SYNPR: variants seen among roughly 807,000 people sequenced by gnomAD.
The protein encoded by SYNPR is synaptoporin.
Under a neutral mutation model 32.9 loss-of-function variants are expected in SYNPR, and 23 were observed. That is an observed-to-expected ratio of 0.70 (90% CI 0.50 to 0.99). SYNPR has a LOEUF of 0.99. SYNPR is among the 50% of genes least tolerant of loss of function. SYNPR has a pLI of 0.00. For synonymous variants in SYNPR, 146 were observed against 135.9 expected, an observed-to-expected ratio of 1.07 and a Z score of -0.52; for missense variants, 318 against 349.3, an observed-to-expected ratio of 0.91 and a Z score of 0.71.
chr3:63,323,165 T>C (rs1013820394), intron 2 of SYNPR, among the ~76,000 whole-genome samples: 3 of 152,042 alleles, frequency 2.0e-5, no homozygotes, highest in Non-Finnish European at 2.9e-5. Flanking sequence ...GAAGAGCTTT[T>C]GATGTTTGTT....
Position 63,556,714 on chromosome 3 carries a change from C to T in SYNPR, c.381C>T (p.Tyr127=). The part of the protein sequence containing the change: ...TVVYIFFQNK[Y]RENNRGPLID... ...TTTACATTTTCTTCCAGAACAAATA[C>T]CGGGAAAACAACCGGGGCCCACTCA... The change falls in exon 4 of 6, where the codon TAC becomes TAT. Residue 127 remains tyrosine, a synonymous_variant. Transcript: ENST00000478300. 1 of 1,520,070 alleles carries T rather than the reference C, an allele frequency of 6.6e-7. No individual in the cohort carries two copies. The highest frequency in any genetic ancestry group is 9.0e-7 in the Non-Finnish European group (1 of 1,114,776). 94.2% of individuals were successfully genotyped at this position (1,520,070 alleles called of 1,614,324 possible).
intron 5 of SYNPR, among the ~76,000 whole-genome samples, chr3:63,610,298 A>G (rs968431714): frequency 6.6e-6 from 1 of 152,214 alleles, no homozygotes; most frequent in African/African-American, 2.4e-5. Flanking sequence ...AAGTGTAAGA[A>G]TTTGTTATTA....
chr3:63,346,251 T>C (rs2087436039), intron 2 of SYNPR, among the ~76,000 whole-genome samples: 1 of 152,210 alleles, frequency 6.6e-6, no homozygotes, highest in South Asian at 2.1e-4. Context: ...GTGATCCTGT[T>C]ACTGGAATTT....
At chr3:63,445,624 C>T (rs778412366) in intron 2 of SYNPR, 107 of 657,944 alleles carry the variant, frequency 1.6e-4, no homozygotes, top group East Asian at 6.0e-4. Context: ...TTTTACATGG[C>T]TTATCCCCTT....
chr3:63,327,182 T>C (rs1451067143), intron 2 of SYNPR, among the ~76,000 whole-genome samples: 1 of 152,074 alleles, frequency 6.6e-6, no homozygotes, highest in African/African-American at 2.4e-5. Context: ...ATATATACAT[T>C]ATAAAAGAAA....
chr3:63,396,054 C>A (rs2088208584), intron 2 of SYNPR, among the ~76,000 whole-genome samples: 1 of 152,166 alleles, frequency 6.6e-6, no homozygotes, highest in Non-Finnish European at 1.5e-5. Context: ...CAGGCACAAC[C>A]AACATCCATG....
intron 2 of SYNPR, among the ~76,000 whole-genome samples, chr3:63,377,804 C>T (rs1279138996): frequency 2.0e-5 from 3 of 151,858 alleles, no homozygotes; most frequent in African/African-American, 7.2e-5. Flanking sequence ...TTTAATAAAA[C>T]AAGTATAATG....
At chr3:63,402,856 G>T (rs1346040884) in intron 2 of SYNPR, among the ~76,000 whole-genome samples, 1 of 152,222 alleles carries the variant, frequency 6.6e-6, no homozygotes, top group African/African-American at 2.4e-5. Context: ...TGATGGTGAT[G>T]CAAGTGTGGA....
chr3:63,536,467 A>G (rs894129465), intron 3 of SYNPR, among the ~76,000 whole-genome samples: 2 of 152,182 alleles, frequency 1.3e-5, no homozygotes, highest in Admixed American at 6.6e-5. Flanking sequence ...ACAAGTATTG[A>G]CAAGGCTGTG....
chr3:63,380,516 C>T (rs1262631593), intron 2 of SYNPR, among the ~76,000 whole-genome samples: 1 of 152,156 alleles, frequency 6.6e-6, no homozygotes, highest in Non-Finnish European at 1.5e-5. Context: ...ATATCCTTTG[C>T]CCACTTTTTG....
intron 2 of SYNPR, among the ~76,000 whole-genome samples, chr3:63,424,640 T>TA (rs887571024): frequency 2.0e-5 from 3 of 152,018 alleles, no homozygotes; most frequent in Admixed American, 6.6e-5. Context: ...CCTTCCGGAT[T>TA]AAAAAAAATA....
At chr3:63,260,219 A>T (rs2086425479) in intron 2 of SYNPR, among the ~76,000 whole-genome samples, 1 of 152,174 alleles carries the variant, frequency 6.6e-6, no homozygotes, top group African/African-American at 2.4e-5. Flanking sequence ...GGAAAAAACT[A>T]CTTTGAAGTT....
the SYNPR span, among the ~76,000 whole-genome samples, chr3:63,222,011 A>ATTTTCTTTTTTTTTTTTTTTTTTTT: frequency 1.8e-5 from 1 of 56,406 alleles, no homozygotes. Context: ...GCCATGCTCA[A>ATTTTCTTTTTTTTTTTTTTTTTTTT]TTTTTTTTTT....
intron 2 of SYNPR, among the ~76,000 whole-genome samples, chr3:63,253,833 T>C (rs2086358522): frequency 1.3e-5 from 2 of 152,162 alleles, no homozygotes; most frequent in Admixed American, 6.6e-5. Context: ...ACCCAAAGGA[T>C]TATAAAACAT....
At chr3:63,586,461 G>GA (rs1703186879) in intron 4 of SYNPR, among the ~76,000 whole-genome samples, 4 of 151,752 alleles carry the variant, frequency 2.6e-5, no homozygotes, top group African/African-American at 9.7e-5. Flanking sequence ...CATACACAAA[G>GA]AAAAAATAAT....
intron 1 of SYNPR, among the ~76,000 whole-genome samples, chr3:63,229,828 T>C (rs1321900708): frequency 1.1e-5 from 1 of 90,462 alleles, no homozygotes; most frequent in East Asian, 1.9e-4. Context: ...TTTTGGCCAT[T>C]ACTTTTAATG....
upstream of SYNPR, among the ~76,000 whole-genome samples, chr3:63,277,895 A>G (rs2086591722): frequency 6.6e-6 from 1 of 152,144 alleles, no homozygotes; most frequent in Non-Finnish European, 1.5e-5. Flanking sequence ...CACAGGAAGG[A>G]TGCTCCATAA....
At chr3:63,588,810 T>G (rs1297152117) in intron 4 of SYNPR, among the ~76,000 whole-genome samples, 1 of 152,060 alleles carries the variant, frequency 6.6e-6, no homozygotes, top group East Asian at 1.9e-4. Context: ...TAACATTTAA[T>G]TGTGTGAACT....
rs186615825 is a variant in SYNPR, at chr3:63,283,115, T to C, written c.84+4373T>C. Among the ~76,000 whole-genome samples the C allele has an allele frequency of 7.9e-5, 12 of 152,340 alleles. No homozygotes were observed. In the East Asian group the frequency reaches 2.1e-3, roughly 27 times the overall value. ...TTGTGGGCCTATCACCTGTCTACAG[T>C]TGTGCACACACACAAGAAATTCTTT... On this transcript the variant is annotated intron_variant, in intron 2 of 5. Coordinates refer to ENST00000478300, the MANE Select transcript of SYNPR (RefSeq NM_001130003.2).
Sources: allele counts gnomAD v4.1 joint callset (sites outside exome capture counted in the v4.1 genomes callset), GRCh38; gene constraint gnomAD v4.1.1; transcripts MANE v1.5; gene names NCBI Gene and HGNC (gene_info 2026-07-23, HGNC 2026-07-21).